SLC24A2: variants seen among roughly 807,000 people sequenced by gnomAD.
SLC24A2 encodes the protein sodium/potassium/calcium exchanger 2.
In SLC24A2, 36 loss-of-function variants were observed where a neutral mutation model predicts 62.0. That is an observed-to-expected ratio of 0.58 (90% CI 0.44 to 0.77). The LOEUF (loss-of-function observed/expected upper bound fraction) is 0.77. Among genes scored for constraint, SLC24A2 ranks in the 30% least tolerant of loss-of-function variants. The pLI is 0.00. For synonymous variants in SLC24A2, 358 were observed against 294.0 expected (o/e 1.22, Z -2.23); for missense variants, 846 against 817.9 (o/e 1.03, Z -0.42).
chr9:19,979,504 G>A, the SLC24A2 span, among the ~76,000 whole-genome samples: 1 of 152,176 alleles, frequency 6.6e-6, no homozygotes, highest in Non-Finnish European at 1.5e-5. Context: ...TTTAGGGCAG[G>A]TACTGTACAC....
At position 19,548,141 on chromosome 9, in the gene SLC24A2, G is replaced by C. The variant is rs1834673384; in HGVS notation, c.1479+1996C>G. Reference sequence around the variant, plus strand: ...CTCTCCACTAGGCTGCATTATTTAAGGGCCAAGGTAATGGGATGGGGTTTT... The same window carrying C: ...CTCTCCACTAGGCTGCATTATTTAACGGCCAAGGTAATGGGATGGGGTTTT... On this transcript the variant is annotated intron_variant, in intron 8 of 10. Transcript: ENST00000341998. Among the ~76,000 whole-genome samples, 2 of 151,604 alleles carry C rather than the reference G, an allele frequency of 1.3e-5. 1 individual carries two copies. Among genetic ancestry groups the C allele is most frequent in the African/African-American group, 4.9e-5 (2 of 40,882 alleles).
the SLC24A2 span, among the ~76,000 whole-genome samples, chr9:20,141,812 G>A: frequency 2.5e-3 from 388 of 152,224 alleles, no homozygotes; most frequent in African/African-American, 8.9e-3. Context: ...GGCGGGCCAC[G>A]GTGGCTCACG....
chr9:19,534,893 C>G (rs949875712), intron 8 of SLC24A2, among the ~76,000 whole-genome samples: 1 of 152,142 alleles, frequency 6.6e-6, no homozygotes, highest in Admixed American at 6.5e-5. Flanking sequence ...ATTGCTGGGT[C>G]AAATGGTATT....
At chr9:19,892,868 C>G in the SLC24A2 span, among the ~76,000 whole-genome samples, 1 of 152,180 alleles carries the variant, frequency 6.6e-6, no homozygotes, top group East Asian at 1.9e-4. Flanking sequence ...TGTACCCACC[C>G]AGGTGCTTCT....
chr9:19,850,068 G>A, the SLC24A2 span, among the ~76,000 whole-genome samples: 1 of 149,016 alleles, frequency 6.7e-6, no homozygotes. Context: ...CTATGTTTCT[G>A]AGTAAAAGCC....
intron 8 of SLC24A2, among the ~76,000 whole-genome samples, chr9:19,546,221 A>G (rs1834558348): frequency 6.6e-6 from 1 of 152,116 alleles, no homozygotes; most frequent in Non-Finnish European, 1.5e-5. Flanking sequence ...TCCTTAGCAG[A>G]GCTTGAACGT....
At position 19,573,551 on chromosome 9, in the gene SLC24A2, G is replaced by C. The variant is rs186274435; in HGVS notation, c.1229-82C>G. On this transcript the variant is annotated intron_variant, in intron 6 of 10. Transcript: ENST00000341998. Reference sequence around the variant, plus strand: ...ACACAGAGAGAGAGAGAGAGAGAGAGAGAAAGCAAATGGAATCAATGGGGG... The same window carrying C: ...ACACAGAGAGAGAGAGAGAGAGAGACAGAAAGCAAATGGAATCAATGGGGG... 2.5e-3 allele frequency: 2,115 copies of C among 862,242 alleles called. 107 individuals carry two copies. The East Asian group carries it at 0.051, about 21-fold the overall frequency. The allele number at this position is 862,242 out of a possible 1,614,324, so 53.4% of individuals were successfully genotyped here. A position where few individuals can be genotyped will look rare whatever the true frequency, so the allele number is the denominator to read the frequency against.
chr9:19,943,806 C>T, the SLC24A2 span, among the ~76,000 whole-genome samples: 1 of 152,146 alleles, frequency 6.6e-6, no homozygotes, highest in African/African-American at 2.4e-5. Flanking sequence ...TACTTGAAAG[C>T]TACTCCAACT....
intron 2 of SLC24A2, among the ~76,000 whole-genome samples, chr9:19,724,917 C>T (rs1821127044): frequency 6.6e-6 from 1 of 152,116 alleles, no homozygotes; most frequent in Admixed American, 6.5e-5. Context: ...AAATCCTACA[C>T]AACCTCAAGC....
the SLC24A2 span, among the ~76,000 whole-genome samples, chr9:19,960,254 A>G: frequency 1.3e-5 from 2 of 152,126 alleles, no homozygotes; most frequent in East Asian, 3.8e-4. Context: ...TTACTGAGCA[A>G]TGCTTACTGC....
At chr9:19,535,162 A>C (rs1300823424) in intron 8 of SLC24A2, among the ~76,000 whole-genome samples, 2 of 152,016 alleles carry the variant, frequency 1.3e-5, no homozygotes, top group Non-Finnish European at 2.9e-5. Context: ...TCGTCTTTTG[A>C]GAAGTGTGTC....
At chr9:19,534,649 G>C (rs1349737506) in intron 8 of SLC24A2, among the ~76,000 whole-genome samples, 2 of 152,062 alleles carry the variant, frequency 1.3e-5, no homozygotes, top group African/African-American at 4.8e-5. Context: ...GACAATGATA[G>C]TTTCCAGCTT....
At chr9:19,647,444 T>G (rs149888576) in intron 2 of SLC24A2, among the ~76,000 whole-genome samples, 26 of 152,238 alleles carry the variant, frequency 1.7e-4, no homozygotes, top group Non-Finnish European at 1.9e-4. Context: ...CTGGGAAAGA[T>G]GAGAAACATG....
chr9:19,967,022 A>C, the SLC24A2 span, among the ~76,000 whole-genome samples: 1 of 152,152 alleles, frequency 6.6e-6, no homozygotes, highest in Non-Finnish European at 1.5e-5. Context: ...TCTACTTAGC[A>C]CATACACATT....
chr9:19,775,541 C>T (rs1822820577), intron 2 of SLC24A2, among the ~76,000 whole-genome samples: 1 of 152,176 alleles, frequency 6.6e-6, no homozygotes, highest in Non-Finnish European at 1.5e-5. Context: ...GGAGAGGAAG[C>T]ATTGATGATG....
the SLC24A2 span, among the ~76,000 whole-genome samples, chr9:20,222,069 T>C: frequency 2.0e-5 from 3 of 152,102 alleles, no homozygotes; most frequent in South Asian, 4.2e-4. Context: ...TGCTCATTGG[T>C]AGTAAAAGTA....
chr9:19,923,586 G>A, the SLC24A2 span, among the ~76,000 whole-genome samples: 24 of 152,258 alleles, frequency 1.6e-4, no homozygotes, highest in South Asian at 5.0e-3. Context: ...GCTCTTGGTT[G>A]AAGCAGTCAC....
chr9:20,003,614 G>A, the SLC24A2 span, among the ~76,000 whole-genome samples: 1 of 152,090 alleles, frequency 6.6e-6, no homozygotes, highest in Non-Finnish European at 1.5e-5. Flanking sequence ...CCACTTGATA[G>A]AATGAATGTC....
Position 19,786,573 on chromosome 9 carries a change from A to G in SLC24A2, c.294T>C (p.Thr98=), listed in dbSNP as rs1048075542. 14 of 1,614,020 alleles carry G rather than the reference A, an allele frequency of 8.7e-6. No individual in the cohort carries two copies. The highest frequency in any genetic ancestry group is 1.2e-5 in the Non-Finnish European group (14 of 1,180,022). ...LDLNDKILDY[T]PQPPLSKEGE... is the part of the protein sequence containing the mutation. Reference sequence around the variant, plus strand: ...CTTCCTTAGAAAGAGGTGGCTGTGGAGTATAATCCAGAATCTTGTCATTTA... The same window carrying G: ...CTTCCTTAGAAAGAGGTGGCTGTGGGGTATAATCCAGAATCTTGTCATTTA... Residue 98 remains threonine (T), a synonymous_variant, in exon 2 of 11, where the codon ACT becomes ACC. Transcript: ENST00000341998. This position sits in a 1 kb window ranked among gnomAD's most constrained non-coding sequence, Gnocchi z 5.0.
Sources: gnomAD v4.1 joint callset for allele counts (sites outside exome capture counted in the v4.1 genomes callset) on GRCh38, gnomAD v4.1.1 for gene constraint, Gnocchi (gnomAD v3.1) non-coding constraint, MANE v1.5 for transcripts, NCBI Gene and HGNC (gene_info 2026-07-23, HGNC 2026-07-21) for gene names.